The following FOXJ3 variants were observed in gnomAD, a reference collection of about 807,000 sequenced individuals.
The protein encoded by FOXJ3 is forkhead box J3, also known as forkhead box protein J3.
FOXJ3 carries 22 observed loss-of-function variants against 76.1 expected under a neutral mutation model. That is an observed-to-expected ratio of 0.29 (90% CI 0.21 to 0.41). The LOEUF (loss-of-function observed/expected upper bound fraction) is 0.41, where lower values mean the gene tolerates loss of function less well. FOXJ3 is among the 10% of genes least tolerant of loss of function. The probability of loss-of-function intolerance (pLI) is 1.00; values close to 1 mark genes in which losing one functional copy is unlikely to be tolerated. For missense variants in FOXJ3, 613 were observed against 762.1 expected (o/e 0.80, Z 2.30); for synonymous variants, 269 against 261.2 (o/e 1.03, Z -0.29).
intron 1 of FOXJ3, among the ~76,000 whole-genome samples, chr1:42,324,025 A>G (rs1655586462): frequency 7.4e-6 from 1 of 135,132 alleles, no homozygotes; most frequent in Non-Finnish European, 1.6e-5. Flanking sequence ...TATATATAGT[A>G]TATATATACA....
intron 2 of FOXJ3, among the ~76,000 whole-genome samples, chr1:42,303,129 A>G (rs993721936): frequency 6.6e-6 from 1 of 152,196 alleles, no homozygotes; most frequent in Admixed American, 6.5e-5. Flanking sequence ...AAAAGCCTGA[A>G]ATTACAATAA....
intron 5 of FOXJ3, among the ~76,000 whole-genome samples, chr1:42,227,091 T>C (rs1325923368): frequency 2.0e-5 from 3 of 152,184 alleles, no homozygotes; most frequent in African/African-American, 7.2e-5. Flanking sequence ...GAGACAAATA[T>C]AAAAACAAAT....
At chr1:42,249,620 G>C (rs563770476) in intron 4 of FOXJ3, among the ~76,000 whole-genome samples, 1 of 152,160 alleles carries the variant, frequency 6.6e-6, no homozygotes, top group Non-Finnish European at 1.5e-5. Flanking sequence ...ATAGAACAGC[G>C]ACTTCTTAGT....
chr1:42,207,102 C>A (rs1275678683), intron 5 of FOXJ3, among the ~76,000 whole-genome samples: 1 of 152,136 alleles, frequency 6.6e-6, no homozygotes, highest in Admixed American at 6.5e-5. Context: ...AGTGCTACTA[C>A]AGGTGTTGAG....
chr1:42,329,867 G>T (rs904738321), intron 1 of FOXJ3, among the ~76,000 whole-genome samples: 1 of 152,176 alleles, frequency 6.6e-6, no homozygotes, highest in Admixed American at 6.5e-5. Context: ...GCCCTTACTT[G>T]AAATATTATC....
intron 4 of FOXJ3, among the ~76,000 whole-genome samples, chr1:42,232,950 C>G (rs1022622324): frequency 1.3e-5 from 2 of 150,722 alleles, no homozygotes; most frequent in Non-Finnish European, 3.0e-5. Context: ...AGTCTTTAAT[C>G]CATCTGGAAT....
In FOXJ3 at chr1:42,191,691, G is replaced by A. The variant is rs1646551555; in HGVS notation, c.963C>T (p.Ser321=). Residue 321 remains serine, a synonymous_variant, in exon 9 of 13, where the codon TCC becomes TCT. Transcript: ENST00000361346. ...QGLMNIPSES[S]QQSHTSCTYQ... ...AGGTACATGAAGTGTGGGACTGCTG[G>A]GAAGATTCAGAAGGGATGTTCATCA... 6.2e-7 allele frequency: 1 copy of A among 1,613,266 alleles called. No individual in the cohort carries two copies. The highest frequency in any genetic ancestry group is 8.5e-7 in the Non-Finnish European group (1 of 1,179,414).
rs1003782255 is a variant in FOXJ3, at chr1:42,178,596, G to C, written c.*1114C>G. 5 of 152,166 alleles carry C rather than the reference G, an allele frequency of 3.3e-5. No homozygotes were observed. Among genetic ancestry groups the C allele is most frequent in the Non-Finnish European group, 7.3e-5 (5 of 68,072 alleles). The allele number at this position is 152,166 out of a possible 1,614,324, so 9.4% of individuals were successfully genotyped here. On this transcript the variant is annotated 3_prime_UTR_variant, in exon 13 of 13. Transcript: ENST00000361346. The stretch of plus-strand genomic sequence containing the variant: ...GCTCAAGAGTTTGCAACCAGCCCAG[G>C]CAACATGGTGAAACCCCATCTCTAC...
At chr1:42,335,360 C>G (rs1570285265), upstream of FOXJ3, 1 of 152,236 alleles carries the variant, frequency 6.6e-6, no homozygotes, top group Admixed American at 6.5e-5. Flanking sequence ...CACGCAGGAT[C>G]CCTCCGCTGG....
chr1:42,294,762 C>CAAAAAAAAAAAAAAAAAAAA lies in FOXJ3; in HGVS notation c.45-16091_45-16090insTTTTTTTTTTTTTTTTTTTT, dbSNP rs5773766. On this transcript the variant is annotated intron_variant, in intron 2 of 12. Coordinates refer to ENST00000361346, the MANE Select transcript of FOXJ3 (RefSeq NM_014947.5). ...GGGCAACAAGAGCGAAACTTGGTCT[C>CAAAAAAAAAAAAAAAAAAAA]AAAAAAAAAAAAAAAAGACGCCATG... 4.6e-4 allele frequency among the ~76,000 whole-genome samples: 49 copies of CAAAAAAAAAAAAAAAAAAAA among 105,652 alleles called. 1 individual carries two copies. The highest frequency in any genetic ancestry group is 1.7e-3 in the African/African-American group (45 of 26,338). The allele number at this position is 105,652 out of a possible 152,430, so 69.3% of individuals were successfully genotyped here. A position where few individuals can be genotyped will look rare whatever the true frequency, so the allele number is the denominator to read the frequency against.
In FOXJ3 at chr1:42,265,893, C is replaced by T. The variant is rs139297571; in HGVS notation, c.370-704G>A. On this transcript the variant is annotated intron_variant, in intron 3 of 12. Transcript: ENST00000361346. The stretch of plus-strand genomic sequence containing the variant: ...ACCCAAGGTGGGTAGCAGGAAAATG[C>T]CCTTGGAAACCTGCAGAGTCTGTGA... Among the ~76,000 whole-genome samples, 9 of 152,256 alleles carry T rather than the reference C, an allele frequency of 5.9e-5. No individual in the cohort carries two copies. In the East Asian group the frequency reaches 1.7e-3, roughly 29 times the overall value.
rs1470070343 is a variant in FOXJ3 at position 42,222,028 on chromosome 1, G to A, written c.528+5855C>T. On this transcript the variant is annotated intron_variant, in intron 5 of 12. Transcript: ENST00000361346. Reference sequence around the variant, plus strand: ...GGAGGAGGAGAAGGAGAAGGGGGAGGGGGAGGAGAAGGAGAAGGAGAAGAA... The same window carrying A: ...GGAGGAGGAGAAGGAGAAGGGGGAGAGGGAGGAGAAGGAGAAGGAGAAGAA... Among the ~76,000 whole-genome samples the A allele has an allele frequency of 5.0e-3, 10 of 1,998 alleles. 1 individual carries two copies. Among genetic ancestry groups the A allele is most frequent in the Admixed American group, 0.014 (4 of 288 alleles). The allele number at this position is 1,998 out of a possible 152,430, so 1.3% of individuals were successfully genotyped here.
chr1:42,177,787 TCA>T lies in FOXJ3; in HGVS notation c.*1921_*1922del, dbSNP rs1646242327. The stretch of plus-strand genomic sequence containing the variant: ...CACACACACACGCGCGCGCACACTC[TCA>T]CACACAGCACACACACACAGAAACA... On this transcript the variant is annotated 3_prime_UTR_variant, in exon 13 of 13. Transcript: ENST00000361346. The T allele has an allele frequency of 6.6e-6, 1 of 152,218 alleles. No homozygotes were observed. Among genetic ancestry groups the T allele is most frequent in the African/African-American group, 2.4e-5 (1 of 41,278 alleles). The allele number at this position is 152,218 out of a possible 1,614,324, so 9.4% of individuals were successfully genotyped here.
At chr1:42,288,062 T>C (rs1364454931) in intron 2 of FOXJ3, among the ~76,000 whole-genome samples, 2 of 152,230 alleles carry the variant, frequency 1.3e-5, no homozygotes, top group African/African-American at 4.8e-5. Context: ...ATCTTCAAAA[T>C]ATTTCACTTT....
At chr1:42,319,626 C>T (rs1655320577) in intron 1 of FOXJ3, among the ~76,000 whole-genome samples, 1 of 152,118 alleles carries the variant, frequency 6.6e-6, no homozygotes, top group South Asian at 2.1e-4. Flanking sequence ...CTAAAAAACA[C>T]TGAATTTTAC....
intron 6 of FOXJ3, among the ~76,000 whole-genome samples, chr1:42,203,282 T>TC (rs928554700): frequency 5.3e-5 from 8 of 152,224 alleles, no homozygotes; most frequent in African/African-American, 1.9e-4. Flanking sequence ...TACATTGTCT[T>TC]CCCCCAACTG....
At chr1:42,223,627 C>T (rs1360055808) in intron 5 of FOXJ3, among the ~76,000 whole-genome samples, 1 of 152,166 alleles carries the variant, frequency 6.6e-6, no homozygotes, top group Non-Finnish European at 1.5e-5. Context: ...AGAGGCCTTC[C>T]CAGACAGCAT....
chr1:42,269,193 C>T (rs1019668839), intron 3 of FOXJ3, among the ~76,000 whole-genome samples: 10 of 151,398 alleles, frequency 6.6e-5, no homozygotes, highest in African/African-American at 1.5e-4. Flanking sequence ...AGAATTGTGG[C>T]GATAAAATGG....
intron 4 of FOXJ3, among the ~76,000 whole-genome samples, chr1:42,228,174 C>T (rs946534442): frequency 1.3e-5 from 2 of 152,046 alleles, no homozygotes; most frequent in Non-Finnish European, 2.9e-5. Flanking sequence ...CTTTCATAAA[C>T]TGAAGAATCC....
Sources: allele counts gnomAD v4.1 joint callset (sites outside exome capture counted in the v4.1 genomes callset), GRCh38; gene constraint gnomAD v4.1.1; transcripts MANE v1.5; gene names NCBI Gene and HGNC (gene_info 2026-07-23, HGNC 2026-07-21).